The following PAPOLG variants were observed in gnomAD, a reference collection of about 807,000 sequenced individuals.
The protein encoded by PAPOLG is poly(A) polymerase gamma.
In PAPOLG, 40 loss-of-function variants were observed where a neutral mutation model predicts 99.0. That is an observed-to-expected ratio of 0.40 (90% confidence interval 0.31 to 0.53). PAPOLG has a LOEUF of 0.53. PAPOLG is among the 20% of genes least tolerant of loss of function. The pLI is 0.41. For synonymous variants in PAPOLG, 310 were observed against 299.3 expected, an observed-to-expected ratio of 1.04 and a Z score of -0.37; for missense variants, 675 against 884.1, an observed-to-expected ratio of 0.76 and a Z score of 3.00.
intron 15 of PAPOLG, 68 bp downstream of exon 15, chr2:60,787,688 A>G (rs553130241): frequency 2.5e-5 from 39 of 1,559,694 alleles, no homozygotes; most frequent in African/African-American, 5.5e-5. Flanking sequence ...TCTGCCTACA[A>G]TCTGGCTGGC....
intron 3 of PAPOLG, among the ~76,000 whole-genome samples, chr2:60,766,872 T>C (rs1159911747): frequency 6.6e-6 from 1 of 152,062 alleles, no homozygotes. Flanking sequence ...GAACATGTCG[T>C]GGAGATTTTC....
intron 13 of PAPOLG, 73 bp from the exon 14 acceptor site, chr2:60,786,874 G>C: frequency 6.5e-7 from 1 of 1,533,232 alleles, no homozygotes; most frequent in Non-Finnish European, 8.8e-7. Context: ...TTAATATGCT[G>C]TTTGGTTTAC....
chr2:60,780,415 A>G (rs1338823257), intron 9 of PAPOLG, among the ~76,000 whole-genome samples: 1 of 151,888 alleles, frequency 6.6e-6, no homozygotes, highest in Non-Finnish European at 1.5e-5. Context: ...ACCTGGGACT[A>G]TAAGCGTGCA....
chr2:60,780,778 G>A lies in PAPOLG; in HGVS notation c.905G>A (p.Arg302Gln), dbSNP rs1181094090. 11 of 1,607,358 alleles carry A rather than the reference G, an allele frequency of 6.8e-6. No individual in the cohort carries two copies. The highest frequency in any genetic ancestry group is 7.7e-6 in the Non-Finnish European group (9 of 1,174,012). Residue 302 changes from arginine to glutamine, a missense_variant and splice_region_variant, in exon 10 of 22, where the codon CGG becomes CAG. Transcript: ENST00000238714. Reference protein sequence around the residue: ...SNLNLPVWDPRVNPSDRYHLM... With the variant: ...SNLNLPVWDPQVNPSDRYHLM... ...TTGAATTTGCCTGTCTGGGATCCTCGGGTATGTGATTTATTATGGAGTTTC... is the reference window on the plus strand; with the variant it reads ...TTGAATTTGCCTGTCTGGGATCCTCAGGTATGTGATTTATTATGGAGTTTC...
At chr2:60,768,648 C>A in intron 4 of PAPOLG, 97 bp downstream of exon 4, 2 of 1,332,516 alleles carry the variant, frequency 1.5e-6, no homozygotes, top group Non-Finnish European at 2.1e-6. Context: ...TATTTCACTA[C>A]TTAGAGCTAA....
In PAPOLG at chr2:60,794,172, G is replaced by A; in HGVS notation, c.1970G>A (p.Arg657Lys). 1 of 1,612,656 alleles carries A rather than the reference G, an allele frequency of 6.2e-7. No individual in the cohort carries two copies. The highest frequency in any genetic ancestry group is 8.5e-7 in the Non-Finnish European group (1 of 1,178,798). The change falls in exon 19 of 22, where the codon AGG becomes AAG. Residue 657 changes from arginine (R) to lysine (K), a missense_variant. Coordinates refer to ENST00000238714, the MANE Select transcript of PAPOLG (RefSeq NM_022894.4). Reference sequence around the variant, plus strand: ...CCATCCATAGATGGGACTCCTAAGAGGTTGAAAGACGTAGAAAAGGTAAAG... The same window carrying A: ...CCATCCATAGATGGGACTCCTAAGAAGTTGAAAGACGTAGAAAAGGTAAAG... Reference protein sequence around the residue: ...HSPSIDGTPKRLKDVEKFIRL... With the variant: ...HSPSIDGTPKKLKDVEKFIRL...
intron 8 of PAPOLG, among the ~76,000 whole-genome samples, chr2:60,775,548 G>A (rs1340393219): frequency 6.6e-6 from 1 of 152,054 alleles, no homozygotes; most frequent in Admixed American, 6.6e-5. Context: ...ATAAAGCCTG[G>A]AACTGTTACT....
intron 13 of PAPOLG, among the ~76,000 whole-genome samples, chr2:60,785,518 C>G (rs1228211456): frequency 1.5e-4 from 23 of 151,962 alleles, no homozygotes; most frequent in Admixed American, 1.4e-3. Flanking sequence ...TTAAACTTAT[C>G]TTAGCCTTAG....
intron 3 of PAPOLG, among the ~76,000 whole-genome samples, chr2:60,764,417 A>G (rs1013381750): frequency 2.1e-5 from 3 of 140,340 alleles, no homozygotes; most frequent in Non-Finnish European, 4.7e-5. Flanking sequence ...ACAACTGCAG[A>G]TTTTTTTTTT....
chr2:60,768,724 T>G, intron 4 of PAPOLG, 57 bp from the exon 5 acceptor site: 1 of 1,433,536 alleles, frequency 7.0e-7, no homozygotes, highest in Non-Finnish European at 9.4e-7. Context: ...TGTGTGTACT[T>G]TAACAAAGAA....
At chr2:60,788,315 T>C (rs144259593) in intron 15 of PAPOLG, among the ~76,000 whole-genome samples, 476 of 152,178 alleles carry the variant, frequency 3.1e-3, no homozygotes, top group African/African-American at 0.011. Context: ...GTGAATGTTA[T>C]CTGTTTTATT....
intron 1 of PAPOLG, 77 bp downstream of exon 1, chr2:60,756,572 G>A (rs970454972): frequency 2.7e-6 from 4 of 1,467,914 alleles, no homozygotes; most frequent in Middle Eastern, 2.5e-4. Context: ...CCTTGTTTCC[G>A]TTCCCTGTCC....
chr2:60,786,534 AATT>A (rs1306082694), intron 13 of PAPOLG, among the ~76,000 whole-genome samples: 5 of 150,344 alleles, frequency 3.3e-5, no homozygotes, highest in African/African-American at 1.2e-4. Flanking sequence ...CCTGGCCTGA[AATT>A]TTTTTTTTTG....
In PAPOLG at chr2:60,800,162, G is replaced by A. The variant is rs1037861553; in HGVS notation, c.*3002G>A. 4 of 152,170 alleles carry A rather than the reference G, an allele frequency of 2.6e-5. No homozygotes were observed. The highest frequency in any genetic ancestry group is 9.7e-5 in the African/African-American group (4 of 41,408). 9.4% of individuals were successfully genotyped at this position (152,170 alleles called of 1,614,324 possible). ...ATGGCTTAAAACTTTGTAAAACTGG[G>A]ACAGGAGAATTATTATTTTTTTATT... On this transcript the variant is annotated 3_prime_UTR_variant, in exon 22 of 22. Coordinates refer to ENST00000238714, the MANE Select transcript of PAPOLG (RefSeq NM_022894.4).
At chr2:60,793,349 G>A (rs766943432) in intron 17 of PAPOLG, among the ~76,000 whole-genome samples, 13 of 152,054 alleles carry the variant, frequency 8.5e-5, no homozygotes, top group South Asian at 2.1e-4. Context: ...TTGAGCCTCA[G>A]GAGTTCAAGA....
intron 1 of PAPOLG, among the ~76,000 whole-genome samples, chr2:60,758,977 A>C (rs973072991): frequency 1.3e-5 from 2 of 152,194 alleles, no homozygotes; most frequent in Non-Finnish European, 2.9e-5. Flanking sequence ...TTTAGTGTGT[A>C]TGTTTTTACT....
intron 1 of PAPOLG, among the ~76,000 whole-genome samples, chr2:60,757,469 A>G (rs1670383218): frequency 6.6e-6 from 1 of 152,132 alleles, no homozygotes; most frequent in African/African-American, 2.4e-5. Context: ...TGCTATTACT[A>G]CATACACATG....
rs534790856 is a variant in PAPOLG at position 60,795,457 on chromosome 2, A to G, written c.2112+437A>G. On this transcript the variant is annotated intron_variant, in intron 21 of 21. Transcript: ENST00000238714. ...GGTATATATAGTAAGTACCTTTAAA[A>G]CATGAGCTAAACGCCCCTAAATTGT... 595 of 214,334 alleles carry G rather than the reference A, an allele frequency of 2.8e-3. 7 individuals carry two copies. The highest frequency in any genetic ancestry group is 0.014 in the African/African-American group (578 of 42,584). The allele number at this position is 214,334 out of a possible 1,614,324, so 13.3% of individuals were successfully genotyped here. A position where few individuals can be genotyped will look rare whatever the true frequency, so the allele number is the denominator to read the frequency against.
At chr2:60,787,486 G>GA in intron 14 of PAPOLG, 25 bp from the exon 15 acceptor site, 1 of 1,585,360 alleles carries the variant, frequency 6.3e-7, no homozygotes, top group Non-Finnish European at 8.6e-7. Flanking sequence ...ATAATTAATG[G>GA]AAATTCTTAA....
Sources: gnomAD v4.1 joint callset for allele counts (sites outside exome capture counted in the v4.1 genomes callset) on GRCh38, gnomAD v4.1.1 for gene constraint, MANE v1.5 for transcripts, NCBI Gene and HGNC (gene_info 2026-07-23, HGNC 2026-07-21) for gene names.